CADM1: variants seen among roughly 807,000 people sequenced by gnomAD.
CADM1 encodes cell adhesion molecule 1, also known as TSLC-1.
CADM1 carries 15 observed loss-of-function variants against 53.1 expected under a neutral mutation model. The ratio of observed to expected loss-of-function variants is 0.28; its 90% CI spans 0.19 to 0.44. The LOEUF is 0.44. Among genes scored for constraint, CADM1 ranks in the 20% least tolerant of loss-of-function variants. The probability of loss-of-function intolerance (pLI) is 1.00; values close to 1 mark genes in which losing one functional copy is unlikely to be tolerated. For synonymous variants in CADM1, 281 were observed against 243.0 expected (o/e 1.16, Z -1.45); for missense variants, 434 against 611.3 (o/e 0.71, Z 3.06).
chr11:115,176,657 TG>T (rs1939043736), intron 11 of CADM1, 65 bp from the exon 12 acceptor site: 1 of 1,344,874 alleles, frequency 7.4e-7, no homozygotes, highest in East Asian at 2.3e-5. Context: ...GGTACAGAGA[TG>T]GCAACTTGCT....
At chr11:115,329,579 T>C (rs776456492) in intron 1 of CADM1, among the ~76,000 whole-genome samples, 3 of 152,050 alleles carry the variant, frequency 2.0e-5, no homozygotes, top group African/African-American at 4.8e-5. Context: ...GATCCCATAG[T>C]AGCGTCTAGG....
At chr11:115,358,589 A>G (rs1255675317) in intron 1 of CADM1, among the ~76,000 whole-genome samples, 1 of 152,182 alleles carries the variant, frequency 6.6e-6, no homozygotes, top group African/African-American at 2.4e-5. Context: ...ACGATTCAAG[A>G]TGAGATTTGG....
At chr11:115,218,897 A>G (rs1941297274) in intron 5 of CADM1, among the ~76,000 whole-genome samples, 1 of 152,180 alleles carries the variant, frequency 6.6e-6, no homozygotes, top group Non-Finnish European at 1.5e-5. Context: ...ATAGGGAGGG[A>G]AGCTACAGAA....
intron 1 of CADM1, among the ~76,000 whole-genome samples, chr11:115,301,232 T>C (rs2135135781): frequency 6.6e-6 from 1 of 152,190 alleles, no homozygotes; most frequent in East Asian, 1.9e-4. Flanking sequence ...GGTTCTATTT[T>C]TTTTCAAAAG....
Position 115,231,274 on chromosome 11 carries a change from G to A in CADM1, c.562+79C>T, listed in dbSNP as rs1941803049. The A allele has an allele frequency of 4.0e-5, 59 of 1,474,954 alleles. 1 individual carries two copies. In the South Asian group the frequency reaches 6.5e-4, roughly 16 times the overall value. The allele number at this position is 1,474,954 out of a possible 1,614,324, so 91.4% of individuals were successfully genotyped here. ...TACTTTTGTTTCATGGGCATGTTTTGTATTTCTCCATGATTTTCACAAAGG... is the reference window on the plus strand; with the variant it reads ...TACTTTTGTTTCATGGGCATGTTTTATATTTCTCCATGATTTTCACAAAGG... On this transcript the variant is annotated intron_variant, in intron 4 of 11. Transcript: ENST00000331581.
intron 1 of CADM1, among the ~76,000 whole-genome samples, chr11:115,421,035 C>T (rs1947742501): frequency 6.6e-6 from 1 of 152,230 alleles, no homozygotes; most frequent in Non-Finnish European, 1.5e-5. Flanking sequence ...TTTTCCTTGA[C>T]CTTTGCATTG....
intron 1 of CADM1, among the ~76,000 whole-genome samples, chr11:115,451,225 A>C (rs1420791350): frequency 1.3e-5 from 2 of 152,250 alleles, no homozygotes; most frequent in African/African-American, 4.8e-5. Context: ...GGTTGTATTA[A>C]TTATCTGCCT....
chr11:115,254,237 A>G (rs987347103), intron 1 of CADM1, among the ~76,000 whole-genome samples: 10 of 152,332 alleles, frequency 6.6e-5, no homozygotes, highest in Non-Finnish European at 1.2e-4. Context: ...AAATTACTAA[A>G]TGATAAGCTG....
intron 1 of CADM1, among the ~76,000 whole-genome samples, chr11:115,449,729 A>T (rs763838872): frequency 7.9e-5 from 12 of 152,210 alleles, no homozygotes; most frequent in Non-Finnish European, 1.6e-4. Flanking sequence ...TTATACGAAA[A>T]CATGTATTTC....
chr11:115,390,130 C>T (rs1165864033), intron 1 of CADM1, among the ~76,000 whole-genome samples: 1 of 152,116 alleles, frequency 6.6e-6, no homozygotes, highest in Non-Finnish European at 1.5e-5. Context: ...CCCATCCCAC[C>T]TCCCCCCATG....
At chr11:115,375,830 TAAC>T (rs1946423731) in intron 1 of CADM1, among the ~76,000 whole-genome samples, 1 of 152,166 alleles carries the variant, frequency 6.6e-6, no homozygotes, top group South Asian at 2.1e-4. Context: ...TAATTTCTCT[TAAC>T]AAGTCTCTCG....
chr11:115,308,909 T>G (rs754667838), intron 1 of CADM1, among the ~76,000 whole-genome samples: 3 of 151,474 alleles, frequency 2.0e-5, no homozygotes, highest in Non-Finnish European at 2.9e-5. Context: ...ATGATTTACC[T>G]CTCTTAATTT....
intron 2 of CADM1, among the ~76,000 whole-genome samples, chr11:115,239,074 G>T (rs894965657): frequency 6.6e-6 from 1 of 152,062 alleles, no homozygotes; most frequent in Non-Finnish European, 1.5e-5. Flanking sequence ...TAGCCTTTGG[G>T]CACTGGAAGT....
Position 115,245,592 on chromosome 11 carries a change from C to T in CADM1, c.125-5172G>A, listed in dbSNP as rs932171804. On this transcript the variant is annotated intron_variant, in intron 1 of 11. Coordinates refer to ENST00000331581, the MANE Select transcript of CADM1 (RefSeq NM_001301043.2). ...GGAAGAAGAACCTCTAATCCCTACC[C>T]GAAATAAAACCATCACTAGTAGAGG... is the stretch of plus-strand genomic sequence containing the variant. Among the ~76,000 whole-genome samples, 7 of 152,094 alleles carry T rather than the reference C, an allele frequency of 4.6e-5. No individual in the cohort carries two copies. In the East Asian group the frequency reaches 5.8e-4, roughly 13 times the overall value.
At chr11:115,433,937 C>T (rs1320969041) in intron 1 of CADM1, among the ~76,000 whole-genome samples, 1 of 152,208 alleles carries the variant, frequency 6.6e-6, no homozygotes, top group Non-Finnish European at 1.5e-5. Context: ...TTTAGATTGA[C>T]AATGTTTCAA....
chr11:115,198,926 A>T (rs1002114922), intron 8 of CADM1, among the ~76,000 whole-genome samples: 23 of 152,156 alleles, frequency 1.5e-4, no homozygotes, highest in African/African-American at 5.6e-4. Context: ...GGCATCACTG[A>T]CTCAATCACA....
chr11:115,237,047 G>C (rs777918793), intron 3 of CADM1, among the ~76,000 whole-genome samples: 2 of 152,142 alleles, frequency 1.3e-5, no homozygotes, highest in South Asian at 4.1e-4. Flanking sequence ...CATAAACGAT[G>C]ATGAGTCAAA....
intron 1 of CADM1, among the ~76,000 whole-genome samples, chr11:115,276,074 T>C (rs926951912): frequency 6.6e-6 from 1 of 152,226 alleles, no homozygotes; most frequent in Non-Finnish European, 1.5e-5. Context: ...ATGTGTTTTA[T>C]CATTACCCAT....
At chr11:115,324,980 G>A (rs1273412686) in intron 1 of CADM1, among the ~76,000 whole-genome samples, 1 of 152,134 alleles carries the variant, frequency 6.6e-6, no homozygotes, top group African/African-American at 2.4e-5. Context: ...TAAGTGCCCA[G>A]CTTCACATTA....
Sources: allele counts gnomAD v4.1 joint callset (sites outside exome capture counted in the v4.1 genomes callset), GRCh38; gene constraint gnomAD v4.1.1; transcripts MANE v1.5; gene names NCBI Gene and HGNC (gene_info 2026-07-23, HGNC 2026-07-21).